Variants in PTPN1 observed in about 807,000 individuals in gnomAD.
The protein encoded by PTPN1 is tyrosine-protein phosphatase non-receptor type 1.
PTPN1 carries 12 observed loss-of-function variants against 59.9 expected under a neutral mutation model. The observed-to-expected ratio is 0.20, with a 90% CI of 0.13 to 0.32. PTPN1 has a LOEUF of 0.32. Ranked by LOEUF, PTPN1 falls within the 10% of genes least tolerant of loss-of-function variation. The pLI, the probability that PTPN1 is intolerant of heterozygous loss-of-function variation, is 1.00. For missense variants in PTPN1, 356 were observed against 549.2 expected (o/e 0.65, Z 3.52); for synonymous variants, 178 against 203.6 (o/e 0.87, Z 1.07).
intron 6 of PTPN1, among the ~76,000 whole-genome samples, 192 bp downstream of exon 6, chr20:50,578,821 C>T (rs897126181): frequency 7.9e-5 from 12 of 152,202 alleles, no homozygotes; most frequent in Non-Finnish European, 1.2e-4. Flanking sequence ...AACTGGCTCC[C>T]GGTTCTGCAG....
chr20:50,541,325 A>G (rs1445228143), intron 1 of PTPN1, among the ~76,000 whole-genome samples: 6 of 152,140 alleles, frequency 3.9e-5, no homozygotes, highest in Non-Finnish European at 7.4e-5. Flanking sequence ...ATCCAAATCC[A>G]CTGCTTTCAC....
At chr20:50,531,609 T>G (rs1167523009) in intron 1 of PTPN1, among the ~76,000 whole-genome samples, 9 of 152,178 alleles carry the variant, frequency 5.9e-5, no homozygotes, top group Non-Finnish European at 1.0e-4. Flanking sequence ...ACTCCTGACC[T>G]CAGGTGATCT....
chr20:50,547,964 A>C (rs918510462), intron 1 of PTPN1, among the ~76,000 whole-genome samples: 1 of 152,250 alleles, frequency 6.6e-6, no homozygotes, highest in Non-Finnish European at 1.5e-5. Flanking sequence ...TTTTAAAAAA[A>C]TTAAGTAAAT....
chr20:50,554,856 C>T (rs1458637584), intron 1 of PTPN1, among the ~76,000 whole-genome samples: 3 of 151,920 alleles, frequency 2.0e-5, no homozygotes, highest in African/African-American at 7.3e-5. Flanking sequence ...AAAAGAAAAA[C>T]ATTCAAAAGA....
At position 50,582,616 on chromosome 20, in the gene PTPN1, G is replaced by A. The variant is rs1312557290; in HGVS notation, c.1285-76G>A. ...GGAGGTTGAAGTTGCCGGGGGGTGTGGCCGGGGTCATGCATGAGGCGACAG... is the reference window on the plus strand; with the variant it reads ...GGAGGTTGAAGTTGCCGGGGGGTGTAGCCGGGGTCATGCATGAGGCGACAG... On this transcript the variant is annotated intron_variant, in intron 9 of 9. Transcript: ENST00000371621. The surrounding 1 kb of genome is among the most constrained non-coding windows in gnomAD (Gnocchi z 4.2). 5 of 1,534,234 alleles carry A rather than the reference G, an allele frequency of 3.3e-6. No homozygotes were observed. The East Asian group carries it at 6.8e-5, about 21-fold the overall frequency.
chr20:50,535,093 A>C (rs2122741500), intron 1 of PTPN1, among the ~76,000 whole-genome samples: 1 of 152,104 alleles, frequency 6.6e-6, no homozygotes, highest in East Asian at 1.9e-4. Flanking sequence ...GCCTTAGTTC[A>C]GGCCCTTCTC....
chr20:50,537,825 C>G (rs555190753), intron 1 of PTPN1, among the ~76,000 whole-genome samples: 1 of 152,270 alleles, frequency 6.6e-6, no homozygotes, highest in East Asian at 1.9e-4. Flanking sequence ...AACAGAGAAC[C>G]ATTGAATGCC....
rs751834185 is a variant in PTPN1 at position 50,574,661 on chromosome 20, A to T, written c.492+7A>T. 1 of 1,601,594 alleles carries T rather than the reference A, an allele frequency of 6.2e-7. No individual in the cohort carries two copies. On this transcript the variant is annotated splice_region_variant and intron_variant, in intron 5 of 9. Transcript: ENST00000371621. ...AGAATTGGAAAACCTTACAGTGAGTATAGCACACACTTCAGCACTTCAGGC... is the reference window on the plus strand; with the variant it reads ...AGAATTGGAAAACCTTACAGTGAGTTTAGCACACACTTCAGCACTTCAGGC...
In PTPN1 at chr20:50,583,072, C is replaced by G. The variant is rs543779641; in HGVS notation, c.*357C>G. The G allele has an allele frequency of 1.8e-4, 54 of 306,412 alleles. No individual in the cohort carries two copies. The East Asian group carries it at 2.1e-3, about 12-fold the overall frequency. 19.0% of individuals were successfully genotyped at this position (306,412 alleles called of 1,614,324 possible). A position where few individuals can be genotyped will look rare whatever the true frequency, so the allele number is the denominator to read the frequency against. ...CCCAGGCGGGCGGCACGCCAACAGC[C>G]CCCCCCTTGAATCTGCAGGGAGCAA... is the stretch of plus-strand genomic sequence containing the variant. On this transcript the variant is annotated 3_prime_UTR_variant, in exon 10 of 10. Transcript: ENST00000371621.
chr20:50,552,056 T>C lies in PTPN1; in HGVS notation c.64-9307T>C, dbSNP rs187203589. ...AAGGCTAGTTAAATGTGTTCATTAG[T>C]CATGAATCTGCTTTTTCTATAGCTG... is the stretch of plus-strand genomic sequence containing the variant. On this transcript the variant is annotated intron_variant, in intron 1 of 9. Transcript: ENST00000371621. Among the ~76,000 whole-genome samples, 5 of 152,330 alleles carry C rather than the reference T, an allele frequency of 3.3e-5. No homozygotes were observed. The East Asian group carries it at 9.6e-4, about 29-fold the overall frequency.
chr20:50,557,592 T>TTGTAC (rs774621987), intron 1 of PTPN1: 2 of 152,258 alleles, frequency 1.3e-5, no homozygotes, highest in Admixed American at 6.5e-5. Context: ...ACAGATAGTA[T>TTGTAC]TGTACTGTAC....
chr20:50,558,771 C>T (rs964767489), intron 1 of PTPN1, among the ~76,000 whole-genome samples: 5 of 152,108 alleles, frequency 3.3e-5, no homozygotes, highest in Admixed American at 6.5e-5. Flanking sequence ...ACAGCTATCT[C>T]GTGAGTCATA....
intron 1 of PTPN1, among the ~76,000 whole-genome samples, chr20:50,552,877 T>A (rs1468636783): frequency 6.6e-6 from 1 of 152,068 alleles, no homozygotes; most frequent in Non-Finnish European, 1.5e-5. Flanking sequence ...AACATTCCCA[T>A]GGCTCACTCC....
chr20:50,550,536 T>C (rs1434747686), intron 1 of PTPN1, among the ~76,000 whole-genome samples: 1 of 152,268 alleles, frequency 6.6e-6, no homozygotes, highest in Non-Finnish European at 1.5e-5. Context: ...GTAATTTCCA[T>C]TTTGTAACAA....
chr20:50,533,990 GC>G (rs1865019616), intron 1 of PTPN1, among the ~76,000 whole-genome samples: 1 of 152,144 alleles, frequency 6.6e-6, no homozygotes, highest in South Asian at 2.1e-4. Flanking sequence ...AAGTGCAATG[GC>G]GCGATCTCGG....
At chr20:50,571,847 A>T (rs1042799097) in intron 4 of PTPN1, 1 of 152,216 alleles carries the variant, frequency 6.6e-6, no homozygotes, top group Non-Finnish European at 1.5e-5. Flanking sequence ...TTAATTGGCC[A>T]TTGCAGAATC....
intron 1 of PTPN1, among the ~76,000 whole-genome samples, chr20:50,553,631 A>G (rs577830612): frequency 6.6e-6 from 1 of 152,342 alleles, no homozygotes; most frequent in South Asian, 2.1e-4. Context: ...GCAAAAAGTA[A>G]TAATAATAAG....
At chr20:50,541,081 G>A (rs78447675) in intron 1 of PTPN1, among the ~76,000 whole-genome samples, 1,609 of 152,248 alleles carry the variant, frequency 0.011, 12 homozygotes, top group Middle Eastern at 0.017. Flanking sequence ...ACCTGCAGGA[G>A]AAGTAGAGGT....
At chr20:50,553,393 A>G (rs1024418204) in intron 1 of PTPN1, among the ~76,000 whole-genome samples, 14 of 152,368 alleles carry the variant, frequency 9.2e-5, no homozygotes, top group South Asian at 6.2e-4. Context: ...TGAGCAGGCT[A>G]TGACAGAAAG....
Sources: allele counts gnomAD v4.1 joint callset (sites outside exome capture counted in the v4.1 genomes callset), GRCh38; gene constraint gnomAD v4.1.1; non-coding constraint Gnocchi (gnomAD v3.1); transcripts MANE v1.5; gene names NCBI Gene and HGNC (gene_info 2026-07-23, HGNC 2026-07-21).